Variants in SEMA3D observed in about 807,000 individuals in gnomAD.
SEMA3D encodes semaphorin 3D, also known as semaphorin-3D.
A neutral mutation model predicts 100.1 loss-of-function variants in SEMA3D; 84 were observed. That is an observed-to-expected ratio of 0.84 (90% CI 0.70 to 1.01). The LOEUF (loss-of-function observed/expected upper bound fraction) is 1.01. Ranked by LOEUF, SEMA3D falls within the 50% of genes least tolerant of loss-of-function variation. SEMA3D has a pLI of 0.00. For missense variants in SEMA3D, 875 were observed against 934.1 expected, an observed-to-expected ratio of 0.94 and a Z score of 0.82; for synonymous variants, 312 against 320.7, an observed-to-expected ratio of 0.97 and a Z score of 0.29.
In SEMA3D at chr7:85,182,241, T is replaced by C. The variant is rs548413826; in HGVS notation, c.-173+4437A>G. On this transcript the variant is annotated intron_variant, in intron 1 of 18. Coordinates refer to ENST00000284136, the MANE Select transcript of SEMA3D (RefSeq NM_001384900.1). ...TAGTATTCTTATATACTCTATCTGA[T>C]CTGATCATTACACTATTCCTGTATG... is the stretch of plus-strand genomic sequence containing the variant. Among the ~76,000 whole-genome samples, 5 of 152,294 alleles carry C rather than the reference T, an allele frequency of 3.3e-5. No homozygotes were observed. In the East Asian group the frequency reaches 9.6e-4, roughly 29 times the overall value.
chr7:85,151,226 A>G (rs1218891843), intron 2 of SEMA3D, among the ~76,000 whole-genome samples: 1 of 152,014 alleles, frequency 6.6e-6, no homozygotes, highest in African/African-American at 2.4e-5. Context: ...GAATAGAGAA[A>G]GTGTTGTCAA....
intron 5 of SEMA3D, among the ~76,000 whole-genome samples, chr7:85,081,074 T>C (rs1298083615): frequency 2.0e-5 from 3 of 152,206 alleles, no homozygotes; most frequent in East Asian, 1.9e-4. Flanking sequence ...GGAATTCTTA[T>C]AGATATTTTA....
chr7:85,036,952 C>T lies in SEMA3D; in HGVS notation c.1128G>A (p.Lys376=). The T allele has an allele frequency of 6.2e-7, 1 of 1,613,458 alleles. No individual in the cohort carries two copies. The highest frequency in any genetic ancestry group is 2.2e-5 in the East Asian group (1 of 44,850). The change falls in exon 12 of 19, where the codon AAG becomes AAA. Residue 376 remains lysine, a synonymous_variant. Transcript: ENST00000284136. ...GCACCCAACGATGGTCTGCACTTTCCTTATGAGCATATGGACCATTAAAAA... is the reference window on the plus strand; with the variant it reads ...GCACCCAACGATGGTCTGCACTTTCTTTATGAGCATATGGACCATTAAAAA... ...RAVFNGPYAH[K]ESADHRWVQY...
the SEMA3D span, among the ~76,000 whole-genome samples, chr7:85,240,940 A>T: frequency 6.6e-6 from 1 of 152,156 alleles, no homozygotes; most frequent in South Asian, 2.1e-4. Context: ...TAATATCTAG[A>T]ATCTACAAGG....
At chr7:85,197,383 C>T in the SEMA3D span, among the ~76,000 whole-genome samples, 1 of 152,140 alleles carries the variant, frequency 6.6e-6, no homozygotes, top group Non-Finnish European at 1.5e-5. Context: ...TCTGTGATCC[C>T]AGGTTTTTAG....
At chr7:85,057,821 C>G (rs574225456) in intron 8 of SEMA3D, among the ~76,000 whole-genome samples, 1 of 152,166 alleles carries the variant, frequency 6.6e-6, no homozygotes, top group South Asian at 2.1e-4. Flanking sequence ...ATCCCAGCTA[C>G]TTGGGAGGCT....
intron 1 of SEMA3D, chr7:85,167,549 A>T (rs913655197): frequency 9.4e-6 from 2 of 212,328 alleles, no homozygotes; most frequent in African/African-American, 2.4e-5. Flanking sequence ...AAATATCTTC[A>T]AGAAGCATTA....
At chr7:85,001,417 C>T (rs1789651610) in intron 18 of SEMA3D, among the ~76,000 whole-genome samples, 1 of 152,122 alleles carries the variant, frequency 6.6e-6, no homozygotes, top group Non-Finnish European at 1.5e-5. Flanking sequence ...AATTTACATT[C>T]TCAGAAACCA....
At chr7:85,007,853 A>G (rs1789842331) in intron 17 of SEMA3D, among the ~76,000 whole-genome samples, 1 of 151,862 alleles carries the variant, frequency 6.6e-6, no homozygotes, top group Non-Finnish European at 1.5e-5. Flanking sequence ...AGTGAATCCT[A>G]AACCTAAGCA....
At chr7:85,186,342 G>C (rs1791549167) in intron 1 of SEMA3D, among the ~76,000 whole-genome samples, 1 of 152,166 alleles carries the variant, frequency 6.6e-6, no homozygotes, top group Admixed American at 6.5e-5. Flanking sequence ...GCCAGGGAGA[G>C]AGCAAAGTTC....
the SEMA3D span, among the ~76,000 whole-genome samples, chr7:85,192,371 GTAT>G: frequency 2.6e-5 from 4 of 151,702 alleles, no homozygotes; most frequent in South Asian, 2.1e-4. Flanking sequence ...ATTATTTTTA[GTAT>G]TATTATTATA....
At chr7:85,136,160 C>T (rs564612133) in intron 2 of SEMA3D, among the ~76,000 whole-genome samples, 83 of 152,158 alleles carry the variant, frequency 5.5e-4, no homozygotes, top group African/African-American at 2.0e-3. Context: ...ATAGTGCATG[C>T]GTGTGTCCTT....
At chr7:85,224,204 G>C in the SEMA3D span, among the ~76,000 whole-genome samples, 6 of 152,098 alleles carry the variant, frequency 3.9e-5, no homozygotes, top group African/African-American at 1.2e-4. Context: ...TTATAAAATT[G>C]CCGAATATTA....
the SEMA3D span, among the ~76,000 whole-genome samples, chr7:85,213,833 G>C: frequency 1.3e-5 from 2 of 152,012 alleles, no homozygotes; most frequent in Non-Finnish European, 2.9e-5. Context: ...TTTTGTTTGT[G>C]CATTATTATG....
chr7:85,161,644 C>T (rs943144155), intron 1 of SEMA3D, among the ~76,000 whole-genome samples: 5 of 152,000 alleles, frequency 3.3e-5, no homozygotes, highest in African/African-American at 1.2e-4. Context: ...CAGAAGGAAG[C>T]AAACAATTCT....
chr7:85,098,088 GAAAAA>G, intron 3 of SEMA3D, 123 bp from the exon 4 acceptor site: 2 of 565,112 alleles, frequency 3.5e-6, no homozygotes, highest in Non-Finnish European at 5.7e-6. Context: ...AAGAAAGAAA[GAAAAA>G]AGAAAGAAAG....
In SEMA3D at chr7:85,127,847, C is replaced by T. The variant is rs114941178; in HGVS notation, c.-40-5916G>A. Among the ~76,000 whole-genome samples the T allele has an allele frequency of 5.5e-3, 838 of 152,180 alleles. 10 individuals are homozygous for T. Among genetic ancestry groups the T allele is most frequent in the African/African-American group, 0.019 (794 of 41,528 alleles). ...ATATTTTCCTTTTCAAATTCTTATA[C>T]CCTCGGGAGCATTTTAACTCATACA... On this transcript the variant is annotated intron_variant, in intron 2 of 18. Transcript: ENST00000284136.
chr7:85,166,036 GAAGGTGCCAAGAATACGGTTAA>G, intron 1 of SEMA3D, among the ~76,000 whole-genome samples: 1 of 152,092 alleles, frequency 6.6e-6, no homozygotes. Flanking sequence ...ATCAGTAGAG[GAAGGTGCCAAGAATACGGTTAA>G]TGGCATAAAC....
chr7:85,222,913 G>A, the SEMA3D span, among the ~76,000 whole-genome samples: 2 of 152,002 alleles, frequency 1.3e-5, no homozygotes, highest in South Asian at 4.1e-4. Flanking sequence ...TCGGACAAAG[G>A]ACTAATATCC....
Sources: allele counts gnomAD v4.1 joint callset (sites outside exome capture counted in the v4.1 genomes callset), GRCh38; gene constraint gnomAD v4.1.1; transcripts MANE v1.5; gene names NCBI Gene and HGNC (gene_info 2026-07-23, HGNC 2026-07-21).